RPH3AL: variants seen among roughly 807,000 people sequenced by gnomAD.
The protein encoded by RPH3AL is rabphilin 3A like (without C2 domains).
In RPH3AL, 38 loss-of-function variants were observed where a neutral mutation model predicts 43.1. That is an observed-to-expected ratio of 0.88 (90% CI 0.68 to 1.15). RPH3AL has a LOEUF of 1.15. RPH3AL is among the 50% of genes most tolerant of loss of function. The pLI, the probability that RPH3AL is intolerant of heterozygous loss-of-function variation, is 0.00. For missense variants in RPH3AL, 462 were observed against 423.2 expected (o/e 1.09, Z -0.81); for synonymous variants, 189 against 176.3 (o/e 1.07, Z -0.57).
intron 5 of RPH3AL, among the ~76,000 whole-genome samples, chr17:300,808 A>T (rs2043309194): frequency 7.4e-6 from 1 of 135,112 alleles, no homozygotes; most frequent in Non-Finnish European, 1.5e-5. Context: ...AGGCCCGCAG[A>T]ATCTCTTACC....
intron 5 of RPH3AL, among the ~76,000 whole-genome samples, chr17:304,923 C>T (rs1411929063): frequency 1.1e-5 from 1 of 94,568 alleles, no homozygotes; most frequent in Non-Finnish European, 2.3e-5. Flanking sequence ...GCAAGAGAGG[C>T]ACAGGGCGAG....
rs370969898 is a variant in RPH3AL, at chr17:232,946, C to T, written c.614-13210G>A. Among the ~76,000 whole-genome samples the T allele has an allele frequency of 2.0e-5, 3 of 150,670 alleles. No individual in the cohort carries two copies. The East Asian group carries it at 5.9e-4, about 30-fold the overall frequency. Reference sequence around the variant, plus strand: ...AGGTACTTCCAGCTCCCTGGGACTACAGAATCCATGCAGGGAGGAAAATGA... The same window carrying T: ...AGGTACTTCCAGCTCCCTGGGACTATAGAATCCATGCAGGGAGGAAAATGA... On this transcript the variant is annotated intron_variant, in intron 7 of 9. Coordinates refer to ENST00000331302, the MANE Select transcript of RPH3AL (RefSeq NM_006987.4).
chr17:263,356 T>A (rs2042245301), intron 6 of RPH3AL, among the ~76,000 whole-genome samples: 1 of 152,174 alleles, frequency 6.6e-6, no homozygotes, highest in South Asian at 2.1e-4. Context: ...GAGTCCAAGC[T>A]GGCCAGCTCC....
At chr17:315,959 GA>G (rs1388178036) in intron 5 of RPH3AL, among the ~76,000 whole-genome samples, 1 of 140,498 alleles carries the variant, frequency 7.1e-6, no homozygotes. Context: ...TAGTCCCTGT[GA>G]CCCCACCTCC....
intron 6 of RPH3AL, 136 bp from the exon 7 acceptor site, chr17:247,421 C>CAGCCCA: frequency 1.2e-6 from 1 of 843,342 alleles, no homozygotes; most frequent in Non-Finnish European, 1.8e-6. Context: ...TCTGCCCTCC[C>CAGCCCA]TGGCTGATGG....
chr17:296,813 G>A (rs1314185258), intron 5 of RPH3AL, among the ~76,000 whole-genome samples: 1 of 152,246 alleles, frequency 6.6e-6, no homozygotes, highest in Non-Finnish European at 1.5e-5. Flanking sequence ...GGGAGCCTGG[G>A]TTTTGAAACG....
intron 1 of RPH3AL, among the ~76,000 whole-genome samples, chr17:340,700 C>T (rs12949772): frequency 2.7e-5 from 2 of 73,604 alleles, no homozygotes; most frequent in African/African-American, 5.2e-5. Context: ...TGCCCTGGGC[C>T]CAGGCCTCCC....
intron 7 of RPH3AL, among the ~76,000 whole-genome samples, chr17:239,379 C>A (rs899694313): frequency 6.6e-6 from 1 of 152,204 alleles, no homozygotes; most frequent in Non-Finnish European, 1.5e-5. Context: ...GCACCAGCTC[C>A]AGTTATGAGA....
At position 329,820 on chromosome 17, in the gene RPH3AL, C is replaced by T. The variant is rs545672807; in HGVS notation, c.-36-2241G>A. 5.3e-5 allele frequency among the ~76,000 whole-genome samples: 8 copies of T among 152,294 alleles called. No individual in the cohort carries two copies. The East Asian group carries it at 1.3e-3, about 26-fold the overall frequency. ...AAGGACATCCAGACCCTCACAAATA[C>T]GTATGATGGCTGAAAAGAGGAGGAC... On this transcript the variant is annotated intron_variant, in intron 2 of 9. Transcript: ENST00000331302.
rs528887236 is a variant in RPH3AL at position 235,722 on chromosome 17, C to T, written c.613+11389G>A. Among the ~76,000 whole-genome samples the T allele has an allele frequency of 1.1e-3, 65 of 57,864 alleles. 9 individuals are homozygous for T. Among genetic ancestry groups the T allele is most frequent in the African/African-American group, 3.7e-3 (55 of 14,758 alleles). 38.0% of individuals were successfully genotyped at this position (57,864 alleles called of 152,430 possible). ...GTCCCGGGTTCAAAGCTGGGGTCAGCGGAGGTTCCACACTAACAAGACGGA... is the reference window on the plus strand; with the variant it reads ...GTCCCGGGTTCAAAGCTGGGGTCAGTGGAGGTTCCACACTAACAAGACGGA... On this transcript the variant is annotated intron_variant, in intron 7 of 9. Transcript: ENST00000331302.
intron 6 of RPH3AL, among the ~76,000 whole-genome samples, chr17:273,176 C>A (rs185725041): frequency 0.25 from 201 of 804 alleles, 91 homozygotes; most frequent in East Asian, 0.47. Flanking sequence ...GACCCCAGCG[C>A]GGGTGACGTC....
chr17:343,978 T>TATTATTAAAAATAAATAAATA (rs1567540413), intron 1 of RPH3AL, among the ~76,000 whole-genome samples: 4 of 40,522 alleles, frequency 9.9e-5, no homozygotes, highest in Admixed American at 2.6e-4. Flanking sequence ...TCATCATCAT[T>TATTATTAAAAATAAATAAATA]ACCATCACCA....
At chr17:319,591 C>T (rs945088395) in intron 4 of RPH3AL, 42 bp from the exon 5 acceptor site, 5 of 1,603,298 alleles carry the variant, frequency 3.1e-6, no homozygotes, top group Non-Finnish European at 4.2e-6. Context: ...GTGCTTCCTG[C>T]CTGGGCACAG....
In RPH3AL at chr17:274,580, G is replaced by A. The variant is rs567125005; in HGVS notation, c.438+7188C>T. On this transcript the variant is annotated intron_variant, in intron 6 of 9. Transcript: ENST00000331302. The surrounding 1 kb of genome is among the most constrained non-coding windows in gnomAD (Gnocchi z 4.7). ...GGAGAGCAGGGAGAGCAGGAAGAGC[G>A]GAGGAGACAGCATAAGCCAGGGGCT... is the stretch of plus-strand genomic sequence containing the variant. Among the ~76,000 whole-genome samples the A allele has an allele frequency of 1.4e-4, 21 of 152,332 alleles. No homozygotes were observed. Among genetic ancestry groups the A allele is most frequent in the South Asian group, 8.3e-4 (4 of 4,828 alleles).
At chr17:297,071 C>T (rs1349142293) in intron 5 of RPH3AL, among the ~76,000 whole-genome samples, 1 of 152,198 alleles carries the variant, frequency 6.6e-6, no homozygotes, top group Non-Finnish European at 1.5e-5. Context: ...AGCTCTGGAA[C>T]ACAACCCTCT....
Position 283,604 on chromosome 17 carries a change from G to A in RPH3AL, c.352-1750C>T, listed in dbSNP as rs2042836060. On this transcript the variant is annotated intron_variant, in intron 5 of 9. Coordinates refer to ENST00000331302, the MANE Select transcript of RPH3AL (RefSeq NM_006987.4). The surrounding 1 kb of genome is among the most constrained non-coding windows in gnomAD (Gnocchi z 4.2). The stretch of plus-strand genomic sequence containing the variant: ...GGCCCAGATCTGCAGAGGGTCCCCT[G>A]AGCGCCGTCCACACTCCTCACTGCT... Among the ~76,000 whole-genome samples, 1 of 152,060 alleles carries A rather than the reference G, an allele frequency of 6.6e-6. No homozygotes were observed. Among genetic ancestry groups the A allele is most frequent in the Non-Finnish European group, 1.5e-5 (1 of 68,002 alleles).
chr17:303,433 A>G (rs563702143), intron 5 of RPH3AL, among the ~76,000 whole-genome samples: 1 of 152,218 alleles, frequency 6.6e-6, no homozygotes, highest in South Asian at 2.1e-4. Flanking sequence ...ACAACTTTGC[A>G]ATGAATTAGA....
At chr17:243,436 G>T (rs1485993702) in intron 7 of RPH3AL, among the ~76,000 whole-genome samples, 2 of 128,796 alleles carry the variant, frequency 1.6e-5, no homozygotes, top group Non-Finnish European at 3.2e-5. Flanking sequence ...TTCCTCTATT[G>T]ATTACCTTCC....
chr17:218,495 A>G (rs112638645), intron 8 of RPH3AL, among the ~76,000 whole-genome samples: 2 of 152,186 alleles, frequency 1.3e-5, no homozygotes, highest in Admixed American at 6.5e-5. Flanking sequence ...AAGGCATTTC[A>G]TTCCTGTTTG....
Sources: allele counts gnomAD v4.1 joint callset (sites outside exome capture counted in the v4.1 genomes callset), GRCh38; gene constraint gnomAD v4.1.1; non-coding constraint Gnocchi (gnomAD v3.1); transcripts MANE v1.5; gene names NCBI Gene and HGNC (gene_info 2026-07-23, HGNC 2026-07-21).